Variants in HHAT observed in about 807,000 individuals in gnomAD.
The protein encoded by HHAT is protein-cysteine N-palmitoyltransferase HHAT.
Under a neutral mutation model 70.8 loss-of-function variants are expected in HHAT, and 47 were observed. That is an observed-to-expected ratio of 0.66 (90% CI 0.53 to 0.85). HHAT has a LOEUF of 0.85. Among genes scored for constraint, HHAT ranks in the 40% least tolerant of loss-of-function variants. The pLI is 0.00. For synonymous variants in HHAT, 228 were observed against 247.6 expected (o/e 0.92, Z 0.74); for missense variants, 609 against 604.8 (o/e 1.01, Z -0.07).
At chr1:210,545,935 C>T (rs1324401783) in intron 9 of HHAT, among the ~76,000 whole-genome samples, 2 of 152,198 alleles carry the variant, frequency 1.3e-5, no homozygotes, top group Non-Finnish European at 2.9e-5. Context: ...CTTATGTCAC[C>T]AACACTTAGC....
intron 9 of HHAT, among the ~76,000 whole-genome samples, chr1:210,532,098 A>G (rs1387849109): frequency 6.6e-6 from 1 of 152,218 alleles, no homozygotes; most frequent in Admixed American, 6.5e-5. Flanking sequence ...TTTCTAATTG[A>G]AAGGTTATTT....
At chr1:210,621,213 C>T (rs918287634) in intron 10 of HHAT, among the ~76,000 whole-genome samples, 19 of 151,820 alleles carry the variant, frequency 1.3e-4, no homozygotes, top group Admixed American at 7.9e-4. Context: ...AAAAGAAGAG[C>T]CACTTAGCTT....
At chr1:210,575,924 G>A in intron 9 of HHAT, among the ~76,000 whole-genome samples, 1 of 152,168 alleles carries the variant, frequency 6.6e-6, no homozygotes, top group East Asian at 1.9e-4. Flanking sequence ...GAGGGGAAGG[G>A]TGACAGTTAT....
chr1:210,330,012 GCTGGGATTACAGGCGTGAGCCA>G (rs2084849935), intron 1 of HHAT, among the ~76,000 whole-genome samples: 1 of 152,192 alleles, frequency 6.6e-6, no homozygotes, highest in African/African-American at 2.4e-5. Flanking sequence ...CTCCCAAAGT[GCTGGGATTACAGGCGTGAGCCA>G]CCGTGCCTGG....
At chr1:210,477,312 A>G (rs866316623) in intron 8 of HHAT, among the ~76,000 whole-genome samples, 1 of 152,210 alleles carries the variant, frequency 6.6e-6, no homozygotes. Context: ...TTGGCCTCCA[A>G]TTAGTTTTCC....
chr1:210,534,527 A>C (rs2095350051), intron 9 of HHAT, among the ~76,000 whole-genome samples: 1 of 152,100 alleles, frequency 6.6e-6, no homozygotes, highest in African/African-American at 2.4e-5. Context: ...GTTGAATTTT[A>C]ATTTTTTTCA....
intron 9 of HHAT, among the ~76,000 whole-genome samples, chr1:210,517,594 TAGAG>T (rs1295760373): frequency 2.0e-5 from 3 of 152,258 alleles, no homozygotes; most frequent in South Asian, 2.1e-4. Flanking sequence ...CAATTTCAGT[TAGAG>T]AGGAGAAGGA....
At chr1:210,415,722 A>G (rs2092700727) in intron 6 of HHAT, among the ~76,000 whole-genome samples, 1 of 151,996 alleles carries the variant, frequency 6.6e-6, no homozygotes, top group Non-Finnish European at 1.5e-5. Context: ...GCAGTGGTAC[A>G]GTCTCAGCTC....
intron 7 of HHAT, among the ~76,000 whole-genome samples, chr1:210,420,989 G>A (rs1213870483): frequency 1.3e-5 from 2 of 151,920 alleles, no homozygotes; most frequent in Non-Finnish European, 2.9e-5. Flanking sequence ...TTTTAATTTG[G>A]CGAAACCAAT....
intron 3 of HHAT, among the ~76,000 whole-genome samples, chr1:210,372,480 T>TA (rs1558377491): frequency 6.6e-6 from 1 of 152,234 alleles, no homozygotes; most frequent in Non-Finnish European, 1.5e-5. Flanking sequence ...AGTGGTATGT[T>TA]AAACAGTGAA....
At chr1:210,619,563 T>C (rs966901282) in intron 10 of HHAT, among the ~76,000 whole-genome samples, 1 of 152,166 alleles carries the variant, frequency 6.6e-6, no homozygotes, top group Non-Finnish European at 1.5e-5. Context: ...CTGTGATGAA[T>C]GTAGGGGAGA....
rs1401615788 is a variant in HHAT, at chr1:210,508,192, CCTT to C, written c.1008-4958_1008-4956del. On this transcript the variant is annotated intron_variant, in intron 8 of 11. Transcript: ENST00000261458. Reference sequence around the variant, plus strand: ...CCAGCCTGGGTGACAGAGTGAGACTCCTTCTCAAAAAAAAAAAAAAAAAAAGTC... The same window carrying C: ...CCAGCCTGGGTGACAGAGTGAGACTCCTCAAAAAAAAAAAAAAAAAAAGTC... Among the ~76,000 whole-genome samples the C allele has an allele frequency of 5.3e-4, 46 of 86,988 alleles. 1 individual carries two copies. The South Asian group carries it at 9.9e-3, about 19-fold the overall frequency. The allele number at this position is 86,988 out of a possible 152,430, so 57.1% of individuals were successfully genotyped here.
chr1:210,619,940 T>C (rs1401350412), intron 10 of HHAT, among the ~76,000 whole-genome samples: 2 of 152,246 alleles, frequency 1.3e-5, no homozygotes, highest in Non-Finnish European at 2.9e-5. Context: ...CCTGATGGCT[T>C]TTCACTGTCT....
At chr1:210,417,971 A>G (rs2092773655) in intron 6 of HHAT, among the ~76,000 whole-genome samples, 183 bp from the exon 7 acceptor site, 5 of 152,170 alleles carry the variant, frequency 3.3e-5, no homozygotes, top group Admixed American at 3.3e-4. Context: ...TTTGAGACAA[A>G]TGTTCAAGCT....
intron 10 of HHAT, chr1:210,590,035 A>T (rs907388271): frequency 6.6e-6 from 1 of 152,202 alleles, no homozygotes; most frequent in Admixed American, 6.5e-5. Flanking sequence ...TATTTAGACG[A>T]TGGACTCCTT....
intron 1 of HHAT, chr1:210,329,401 GC>G: frequency 8.8e-7 from 1 of 1,133,276 alleles, no homozygotes; most frequent in Non-Finnish European, 1.1e-6. Context: ...TTCCGGAACT[GC>G]TGCGGGGAGT....
intron 5 of HHAT, among the ~76,000 whole-genome samples, chr1:210,404,038 T>C (rs2092213478): frequency 6.6e-6 from 1 of 152,080 alleles, no homozygotes; most frequent in Non-Finnish European, 1.5e-5. Context: ...GAAAAATACA[T>C]TGAAGACAGA....
intron 9 of HHAT, among the ~76,000 whole-genome samples, chr1:210,577,628 G>A (rs999191107): frequency 9.4e-5 from 12 of 127,058 alleles, no homozygotes; most frequent in Non-Finnish European, 1.9e-4. Context: ...AGGGATATTG[G>A]CCTGTAGGAT....
intron 4 of HHAT, among the ~76,000 whole-genome samples, chr1:210,394,321 T>A (rs2091653307): frequency 6.7e-6 from 1 of 150,074 alleles, no homozygotes; most frequent in South Asian, 2.1e-4. Context: ...AAACACCCTT[T>A]CCCTGGATAA....
Sources: allele counts gnomAD v4.1 joint callset (sites outside exome capture counted in the v4.1 genomes callset), GRCh38; gene constraint gnomAD v4.1.1; transcripts MANE v1.5; gene names NCBI Gene and HGNC (gene_info 2026-07-23, HGNC 2026-07-21).